RGS9: variants seen among roughly 807,000 people sequenced by gnomAD.
RGS9 encodes the protein regulator of G protein signaling 9.
RGS9 carries 78 observed loss-of-function variants against 102.0 expected under a neutral mutation model. The ratio of observed to expected loss-of-function variants is 0.76; its 90% confidence interval spans 0.64 to 0.92. The LOEUF (loss-of-function observed/expected upper bound fraction) is 0.92. Among genes scored for constraint, RGS9 ranks in the 40% least tolerant of loss-of-function variants. The pLI, the probability that RGS9 is intolerant of heterozygous loss-of-function variation, is 0.00. For synonymous variants in RGS9, 353 were observed against 318.6 expected (o/e 1.11, Z -1.15); for missense variants, 833 against 866.1 (o/e 0.96, Z 0.48).
chr17:65,160,121 A>G, intron 3 of RGS9, 112 bp from the exon 4 acceptor site: 2 of 823,946 alleles, frequency 2.4e-6, no homozygotes, highest in Non-Finnish European at 2.1e-6. Flanking sequence ...CATGAGATGC[A>G]GTGCTGTTAG....
intron 1 of RGS9, among the ~76,000 whole-genome samples, chr17:65,145,026 C>T (rs572807178): frequency 1.1e-3 from 172 of 152,262 alleles, no homozygotes; most frequent in Non-Finnish European, 1.2e-3. Context: ...CTAATCTGTT[C>T]TCATAAAGAC....
At chr17:65,161,098 A>G (rs1031118089) in intron 6 of RGS9, among the ~76,000 whole-genome samples, 189 bp downstream of exon 6, 1 of 152,178 alleles carries the variant, frequency 6.6e-6, no homozygotes, top group African/African-American at 2.4e-5. Flanking sequence ...TCTCATGTCT[A>G]ACTTCAGTTT....
chr17:65,174,279 C>G (rs1911530277), intron 8 of RGS9, among the ~76,000 whole-genome samples: 1 of 152,228 alleles, frequency 6.6e-6, no homozygotes, highest in Admixed American at 6.5e-5. Flanking sequence ...GAGCAGATGA[C>G]CACACCGAAG....
Position 65,197,204 on chromosome 17 carries a change from A to T in RGS9, c.939A>T (p.Arg313=), listed in dbSNP as rs377435038. The T allele has an allele frequency of 9.9e-6, 16 of 1,613,788 alleles. No individual in the cohort carries two copies. In the African/African-American group the frequency reaches 2.1e-4, roughly 22 times the overall value. The change falls in exon 13 of 19, where the codon CGA becomes CGT. Residue 313 remains arginine, a synonymous_variant. Coordinates refer to ENST00000262406, the MANE Select transcript of RGS9 (RefSeq NM_003835.4). Reference sequence around the variant, plus strand: ...AATTGATCCGAGACCCCAAAGGTCGACAGAGCTTCCAGTACTTCCTCAAGA... The same window carrying T: ...AATTGATCCGAGACCCCAAAGGTCGTCAGAGCTTCCAGTACTTCCTCAAGA... ...FSELIRDPKG[R]QSFQYFLKKE... is the part of the protein sequence containing the mutation.
chr17:65,159,268 C>T (rs532952892), intron 3 of RGS9, among the ~76,000 whole-genome samples: 2 of 152,166 alleles, frequency 1.3e-5, no homozygotes, highest in African/African-American at 4.8e-5. Flanking sequence ...GGACTCAGCC[C>T]GCCTGCACCC....
chr17:65,184,655 A>C (rs961509727), intron 9 of RGS9, among the ~76,000 whole-genome samples: 3 of 151,548 alleles, frequency 2.0e-5, no homozygotes, highest in African/African-American at 4.9e-5. Flanking sequence ...ATATGCTTCT[A>C]TTTCTTTTTT....
chr17:65,177,749 GCTGGACTACGGC>G lies in RGS9; in HGVS notation c.607_618del (p.Tyr203_Asp206del), dbSNP rs1911702224. ...CCATTTAGCCTGGAATGGACAATGTGCTGGACTACGGCCTGGACCGAGTGACCAATCCGAATG... is the reference window on the plus strand; with the variant it reads ...CCATTTAGCCTGGAATGGACAATGTGCTGGACCGAGTGACCAATCCGAATG... On this transcript the variant is annotated inframe_deletion, in exon 9 of 19. Transcript: ENST00000262406. The G allele has an allele frequency of 6.2e-7, 1 of 1,614,172 alleles. No individual in the cohort carries two copies.
chr17:65,172,424 C>G (rs936411807), intron 8 of RGS9, among the ~76,000 whole-genome samples: 1 of 151,926 alleles, frequency 6.6e-6, no homozygotes, highest in Non-Finnish European at 1.5e-5. Context: ...AGGCTGGTCT[C>G]GAACTCCTGA....
At chr17:65,211,884 A>G (rs970097882) in intron 17 of RGS9, among the ~76,000 whole-genome samples, 2 of 152,256 alleles carry the variant, frequency 1.3e-5, no homozygotes, top group African/African-American at 4.8e-5. Context: ...GTGACAATCA[A>G]CCAGAAAAAT....
At chr17:65,140,652 A>C (rs1337965062) in intron 1 of RGS9, among the ~76,000 whole-genome samples, 1 of 152,166 alleles carries the variant, frequency 6.6e-6, no homozygotes, top group Non-Finnish European at 1.5e-5. Context: ...AGGTAGGTGG[A>C]TCATCTGAGA....
chr17:65,186,096 G>C (rs1443201216), intron 9 of RGS9, among the ~76,000 whole-genome samples: 1 of 152,156 alleles, frequency 6.6e-6, no homozygotes, highest in Non-Finnish European at 1.5e-5. Context: ...TGAGTGTTAA[G>C]GACAGAGTGT....
At chr17:65,187,992 TCAA>T (rs1219168703) in intron 9 of RGS9, among the ~76,000 whole-genome samples, 3 of 152,092 alleles carry the variant, frequency 2.0e-5, no homozygotes, top group African/African-American at 7.2e-5. Context: ...AGACTCTGTC[TCAA>T]CAACAACAGC....
chr17:65,189,082 T>C, intron 9 of RGS9: 1 of 605,082 alleles, frequency 1.7e-6, no homozygotes, highest in East Asian at 2.8e-5. Context: ...GCTCCTTCGC[T>C]TACAAAATCT....
At chr17:65,138,978 G>GCCTCCCCTCCTC (rs1910025152) in intron 1 of RGS9, among the ~76,000 whole-genome samples, 1 of 47,768 alleles carries the variant, frequency 2.1e-5, no homozygotes, top group African/African-American at 9.8e-5. Flanking sequence ...CTCCACCCCA[G>GCCTCCCCTCCTC]CATCCCCTCC....
chr17:65,206,345 T>C (rs1913061904), intron 15 of RGS9, among the ~76,000 whole-genome samples: 1 of 152,222 alleles, frequency 6.6e-6, no homozygotes, highest in Admixed American at 6.5e-5. Context: ...TCTTTAATAA[T>C]AATCCTCTTT....
chr17:65,197,902 C>T (rs1003502821), intron 13 of RGS9, among the ~76,000 whole-genome samples: 1 of 152,142 alleles, frequency 6.6e-6, no homozygotes, highest in Non-Finnish European at 1.5e-5. Flanking sequence ...AACTCCTGAC[C>T]TCAGGTGATC....
In RGS9 at chr17:65,204,193, G is replaced by T; in HGVS notation, c.1095G>T (p.Trp365Cys). The T allele has an allele frequency of 6.2e-7, 1 of 1,612,904 alleles. No individual in the cohort carries two copies. The highest frequency in any genetic ancestry group is 8.5e-7 in the Non-Finnish European group (1 of 1,180,016). The change falls in exon 15 of 19, where the codon TGG becomes TGT. Residue 365 changes from tryptophan (W) to cysteine (C), a missense_variant. Around this residue, in one of 3 missense-constraint regions of RGS9, gnomAD observed 185 missense variants for 248.7 expected, o/e 0.74. Coordinates refer to ENST00000262406, the MANE Select transcript of RGS9 (RefSeq NM_003835.4). ...KLFLAPGARR[W>C]INIDGKTMDI... ...TCCTGGCCCCGGGGGCGAGGCGCTG[G>T]ATCAACATAGATGGCAAAACCATGG...
Position 65,227,651 on chromosome 17 carries a change from A to G in RGS9, c.*244A>G. 1 of 559,842 alleles carries G rather than the reference A, an allele frequency of 1.8e-6. No homozygotes were observed. The highest frequency in any genetic ancestry group is 3.2e-6 in the Non-Finnish European group (1 of 311,740). 34.7% of individuals were successfully genotyped at this position (559,842 alleles called of 1,614,324 possible). A position where few individuals can be genotyped will look rare whatever the true frequency, so the allele number is the denominator to read the frequency against. Reference sequence around the variant, plus strand: ...AGAAGAAACGCATGTGGACCAGAAGACTTTCCCTGCTGCCTTAAAACCAAT... The same window carrying G: ...AGAAGAAACGCATGTGGACCAGAAGGCTTTCCCTGCTGCCTTAAAACCAAT... On this transcript the variant is annotated 3_prime_UTR_variant, in exon 19 of 19. Coordinates refer to ENST00000262406, the MANE Select transcript of RGS9 (RefSeq NM_003835.4).
chr17:65,220,052 C>T (rs116751088), intron 17 of RGS9, among the ~76,000 whole-genome samples: 1,984 of 152,018 alleles, frequency 0.013, 43 homozygotes, highest in African/African-American at 0.046. Context: ...ATCACCATAT[C>T]ATTATTATTA....
Sources: allele counts gnomAD v4.1 joint callset (sites outside exome capture counted in the v4.1 genomes callset), GRCh38; gene constraint gnomAD v4.1.1; regional missense constraint gnomAD v4.1.1; transcripts MANE v1.5; gene names NCBI Gene and HGNC (gene_info 2026-07-23, HGNC 2026-07-21).